Variants in LRP1B observed in about 807,000 individuals in gnomAD.
LRP1B encodes LDL receptor related protein 1B.
Under a neutral mutation model 556.6 loss-of-function variants are expected in LRP1B, and 217 were observed. The observed-to-expected ratio is 0.39, with a 90% CI of 0.35 to 0.44. The LOEUF (loss-of-function observed/expected upper bound fraction) is 0.44, where lower values mean the gene tolerates loss of function less well. LRP1B is among the 20% of genes least tolerant of loss of function. The pLI, the probability that LRP1B is intolerant of heterozygous loss-of-function variation, is 1.00. For synonymous variants in LRP1B, 2,047 were observed against 1,865.8 expected, an observed-to-expected ratio of 1.10 and a Z score of -2.50; for missense variants, 5,053 against 5,620.8, an observed-to-expected ratio of 0.90 and a Z score of 3.23.
rs70991157 is a variant in LRP1B, at chr2:141,315,882, C to CTTTT, written c.344-61245_344-61242dup. On this transcript the variant is annotated intron_variant, in intron 3 of 90. Coordinates refer to ENST00000389484, the MANE Select transcript of LRP1B (RefSeq NM_018557.3). ...GAAAATCCTCTATCTTTAGTCTGGTCTTTTTTTTTTTTTTTTTTTTTTTTT... is the reference window on the plus strand; with the variant it reads ...GAAAATCCTCTATCTTTAGTCTGGTCTTTTTTTTTTTTTTTTTTTTTTTTTTTTT... Among the ~76,000 whole-genome samples the CTTTT allele has an allele frequency of 1.3e-3, 23 of 18,140 alleles. 4 individuals carry two copies. Among genetic ancestry groups the CTTTT allele is most frequent in the African/African-American group, 5.0e-3 (21 of 4,224 alleles). 11.9% of individuals were successfully genotyped at this position (18,140 alleles called of 152,430 possible).
intron 41 of LRP1B, among the ~76,000 whole-genome samples, chr2:140,661,971 A>G (rs1185076323): frequency 1.3e-5 from 2 of 152,182 alleles, no homozygotes; most frequent in Non-Finnish European, 2.9e-5. Flanking sequence ...CTGAATAATT[A>G]CCTGAATTCT....
At chr2:141,486,342 G>A (rs936210926) in intron 2 of LRP1B, among the ~76,000 whole-genome samples, 1 of 152,082 alleles carries the variant, frequency 6.6e-6, no homozygotes, top group Admixed American at 6.6e-5. Context: ...AGGATAATGG[G>A]ATTCATCTGT....
intron 2 of LRP1B, among the ~76,000 whole-genome samples, chr2:141,675,707 T>A (rs1287315872): frequency 2.0e-5 from 3 of 150,554 alleles, no homozygotes; most frequent in Non-Finnish European, 4.4e-5. Context: ...GTATATGCAC[T>A]GTTTTAGTAG....
chr2:140,804,071 GA>G (rs34454067), intron 32 of LRP1B, among the ~76,000 whole-genome samples: 39,341 of 147,654 alleles, frequency 0.27, 5,381 homozygotes, highest in South Asian at 0.34. Context: ...AGTAAGCTTT[GA>G]AAAAAAAAAA....
intron 2 of LRP1B, among the ~76,000 whole-genome samples, chr2:141,757,689 A>T (rs1437641098): frequency 2.0e-5 from 3 of 151,948 alleles, no homozygotes; most frequent in Non-Finnish European, 2.9e-5. Flanking sequence ...GCATGCCAAT[A>T]TGTCCAGCTA....
chr2:140,769,237 C>T lies in LRP1B; in HGVS notation c.5734G>A (p.Ala1912Thr), dbSNP rs199906149. The T allele has an allele frequency of 5.5e-5, 89 of 1,611,854 alleles. No individual in the cohort carries two copies. In the East Asian group the frequency reaches 1.6e-3, roughly 29 times the overall value. Residue 1912 changes from alanine (A) to threonine (T), a missense_variant, in exon 35 of 91, where the codon GCC becomes ACC. Transcript: ENST00000389484. ...CCTGCATGGAAATCTATTCCCACGGCAAATGAAGTTCCTGATATAGGCATC... is the reference window on the plus strand; with the variant it reads ...CCTGCATGGAAATCTATTCCCACGGTAAATGAAGTTCCTGATATAGGCATC... ...ALMPISGTSF[A>T]VGIDFHAEND... is the part of the protein sequence containing the mutation.
At chr2:140,697,449 C>G (rs1437176001) in intron 41 of LRP1B, among the ~76,000 whole-genome samples, 1 of 151,574 alleles carries the variant, frequency 6.6e-6, no homozygotes, top group Non-Finnish European at 1.5e-5. Flanking sequence ...TTACAACACT[C>G]TCGTTTTTTT....
rs1694756692 is a variant in LRP1B, at chr2:140,922,251, T to C, written c.3319+714A>G. Among the ~76,000 whole-genome samples, 3 of 151,506 alleles carry C rather than the reference T, an allele frequency of 2.0e-5. No homozygotes were observed. The South Asian group carries it at 6.2e-4, about 32-fold the overall frequency. The stretch of plus-strand genomic sequence containing the variant: ...TAGAATATAAGACATTCTATTACTA[T>C]AACTTTTCCATTTTGGTTTCCTATT... On this transcript the variant is annotated intron_variant, in intron 21 of 90. Transcript: ENST00000389484.
chr2:140,453,667 C>CTAAT (rs141519173), intron 62 of LRP1B, among the ~76,000 whole-genome samples: 36,945 of 151,634 alleles, frequency 0.24, 4,760 homozygotes, highest in Non-Finnish European at 0.28. Flanking sequence ...GACTTTTTTC[C>CTAAT]TAAAATGATT....
In LRP1B at chr2:141,059,774, G is replaced by A. The variant is rs1699287361; in HGVS notation, c.1237-720C>T. 2.0e-5 allele frequency among the ~76,000 whole-genome samples: 3 copies of A among 151,840 alleles called. No individual in the cohort carries two copies. The South Asian group carries it at 6.2e-4, about 31-fold the overall frequency. On this transcript the variant is annotated intron_variant, in intron 8 of 90. Transcript: ENST00000389484. ...TTTGGCAAAGGTCTTAGAGTTTGTG[G>A]GGAGGAATGGATATCTTGAACTTAG...
At chr2:142,080,453 C>T (rs929599129) in intron 1 of LRP1B, among the ~76,000 whole-genome samples, 3 of 151,938 alleles carry the variant, frequency 2.0e-5, no homozygotes, top group Admixed American at 6.6e-5. Context: ...ACATTTCGGT[C>T]TTTGTCTTTA....
chr2:141,161,039 ATTT>A (rs1680011301), intron 7 of LRP1B, among the ~76,000 whole-genome samples: 2 of 152,122 alleles, frequency 1.3e-5, no homozygotes, highest in South Asian at 4.1e-4. Flanking sequence ...CTTTCTATTA[ATTT>A]TGCAACTTTT....
chr2:141,163,997 TAAAC>T (rs201296456), intron 7 of LRP1B, among the ~76,000 whole-genome samples: 2,239 of 152,184 alleles, frequency 0.015, 23 homozygotes, highest in Middle Eastern at 0.041. Context: ...TTAGACCTAA[TAAAC>T]AAAATAAGAC....
rs2104907158 is a variant in LRP1B, at chr2:140,506,844, C to T, written c.8473G>A (p.Asp2825Asn). 1 of 1,614,010 alleles carries T rather than the reference C, an allele frequency of 6.2e-7. No homozygotes were observed. The highest frequency in any genetic ancestry group is 8.5e-7 in the Non-Finnish European group (1 of 1,179,956). ...KVCIPKQFVC[D>N]HDDDCGDGSD... Reference sequence around the variant, plus strand: ...CCATCTCCACAGTCGTCATCATGGTCACAAACAAATTGCTTGGGAATGCAT... The same window carrying T: ...CCATCTCCACAGTCGTCATCATGGTTACAAACAAATTGCTTGGGAATGCAT... Residue 2825 changes from aspartate to asparagine, a missense_variant, in exon 53 of 91, where the codon GAC becomes AAC. Physicochemically the swap from Asp to Asn is conservative, Grantham distance 23. This residue lies in a region of LRP1B where 3,619 missense variants were observed against 3,931.9 expected (regional missense o/e 0.92). Coordinates refer to ENST00000389484, the MANE Select transcript of LRP1B (RefSeq NM_018557.3).
At chr2:140,768,780 C>A (rs1372592786) in intron 35 of LRP1B, among the ~76,000 whole-genome samples, 1 of 151,830 alleles carries the variant, frequency 6.6e-6, no homozygotes. Flanking sequence ...ATAATTGTTT[C>A]TAGTATTTGG....
At chr2:141,903,669 A>G (rs1370036203) in intron 1 of LRP1B, among the ~76,000 whole-genome samples, 1 of 151,984 alleles carries the variant, frequency 6.6e-6, no homozygotes, top group African/African-American at 2.4e-5. Flanking sequence ...TCTACATGCT[A>G]GGCAGTACAC....
intron 1 of LRP1B, among the ~76,000 whole-genome samples, chr2:142,065,738 G>T (rs1045375958): frequency 6.6e-6 from 1 of 151,320 alleles, no homozygotes; most frequent in Non-Finnish European, 1.5e-5. Context: ...TGCCACAAAT[G>T]AAAAACACCT....
intron 2 of LRP1B, among the ~76,000 whole-genome samples, chr2:141,559,898 G>A (rs1231877381): frequency 6.6e-6 from 1 of 151,306 alleles, no homozygotes; most frequent in Non-Finnish European, 1.5e-5. Flanking sequence ...AAAGTTCGAG[G>A]TAGAAACAAA....
At chr2:141,301,639 A>C (rs555740660) in intron 3 of LRP1B, among the ~76,000 whole-genome samples, 1 of 152,332 alleles carries the variant, frequency 6.6e-6, no homozygotes, top group African/African-American at 2.4e-5. Flanking sequence ...TGCCACTACC[A>C]GAATATAAGT....
Sources: allele counts gnomAD v4.1 joint callset (sites outside exome capture counted in the v4.1 genomes callset), GRCh38; gene constraint gnomAD v4.1.1; regional missense constraint gnomAD v4.1.1; transcripts MANE v1.5; gene names NCBI Gene and HGNC (gene_info 2026-07-23, HGNC 2026-07-21).